CASKIN2: variants seen among roughly 807,000 people sequenced by gnomAD.
The protein encoded by CASKIN2 is caskin-2.
CASKIN2 carries 41 observed loss-of-function variants against 107.1 expected under a neutral mutation model. The observed-to-expected ratio is 0.38, with a 90% CI of 0.30 to 0.50. The LOEUF is 0.50. CASKIN2 is among the 20% of genes least tolerant of loss of function. CASKIN2 has a pLI of 0.92. For synonymous variants in CASKIN2, 724 were observed against 705.6 expected, an observed-to-expected ratio of 1.03 and a Z score of -0.41; for missense variants, 1,546 against 1,657.4, an observed-to-expected ratio of 0.93 and a Z score of 1.17.
Position 75,507,048 on chromosome 17 carries a change from T to C in CASKIN2, c.326A>G (p.Asn109Ser), listed in dbSNP as rs759639410. Residue 109 changes from asparagine to serine, a missense_variant, in exon 5 of 20, where the codon AAT (asparagine) becomes AGT (serine). Physicochemically the swap from Asn to Ser is conservative, Grantham distance 46. Around this residue, in one of 6 missense-constraint regions of CASKIN2, gnomAD observed 136 missense variants for 198.6 expected, o/e 0.68. Coordinates refer to ENST00000321617, the MANE Select transcript of CASKIN2 (RefSeq NM_020753.5). ...RLLLRASAAVNAASLDGQIPL... is the reference protein window; with the variant it reads ...RLLLRASAAVSAASLDGQIPL... ...GATCTGTCCGTCCAGCGAGGCGGCA[T>C]TGACAGCCGCAGAGGCGCGCAGCAG... The C allele has an allele frequency of 1.2e-6, 2 of 1,612,748 alleles. No homozygotes were observed. Among genetic ancestry groups the C allele is most frequent in the Non-Finnish European group, 1.7e-6 (2 of 1,179,906 alleles).
In CASKIN2 at chr17:75,505,647, G is replaced by A. The variant is rs1451570926; in HGVS notation, c.840C>T (p.Ala280=). The A allele has an allele frequency of 6.2e-7, 1 of 1,612,832 alleles. No individual in the cohort carries two copies. The highest frequency in any genetic ancestry group is 1.1e-5 in the South Asian group (1 of 91,070). Residue 280 remains alanine (A), a synonymous_variant, in exon 10 of 20, where the codon GCC becomes GCT. Coordinates refer to ENST00000321617, the MANE Select transcript of CASKIN2 (RefSeq NM_020753.5). The surrounding 1 kb of genome is among the most constrained non-coding windows in gnomAD (Gnocchi z 5.1). Reference sequence around the variant, plus strand: ...GCGCTCGGACCTTCAGGATCCCTGAGGCCTCTAAGAAAACGGGGTGGGGGA... The same window carrying A: ...GCGCTCGGACCTTCAGGATCCCTGAAGCCTCTAAGAAAACGGGGTGGGGGA... ...SREIKQLLRE[A]SGILKVRALK...
chr17:75,506,458 G>A lies in CASKIN2; in HGVS notation c.618-45C>T, dbSNP rs1361966643. 1 of 1,581,934 alleles carries A rather than the reference G, an allele frequency of 6.3e-7. No homozygotes were observed. The highest frequency in any genetic ancestry group is 1.3e-5 in the African/African-American group (1 of 74,352). ...TCACGGGGGAGGTGGCGTAGGAGGG[G>A]GTGCTGACTGCTGGGGGCCTGGGAG... On this transcript the variant is annotated intron_variant, in intron 7 of 19. Transcript: ENST00000321617. This position sits in a 1 kb window ranked among gnomAD's most constrained non-coding sequence, Gnocchi z 4.8.
rs149757696 is a variant in CASKIN2 at position 75,506,839 on chromosome 17, T to C, written c.446A>G (p.Lys149Arg). ...SNPCLVNKAK[K>R]TPLDLACEFG... ...TTCACAGGCCAGGTCCAGGGGCGTCTTCTTGGCCTTGTTGACCAGGCATGG... is the reference window on the plus strand; with the variant it reads ...TTCACAGGCCAGGTCCAGGGGCGTCCTCTTGGCCTTGTTGACCAGGCATGG... The change falls in exon 6 of 20, where the codon AAG (lysine) becomes AGG (arginine). Residue 149 changes from lysine (K) to arginine (R), a missense_variant. By Grantham distance (26) the Lys-to-Arg change is conservative. Transcript: ENST00000321617. This position sits in a 1 kb window ranked among gnomAD's most constrained non-coding sequence, Gnocchi z 4.8. The C allele has an allele frequency of 2.8e-4, 451 of 1,612,966 alleles. 2 individuals are homozygous for C. The African/African-American group carries it at 4.8e-3, about 17-fold the overall frequency.
chr17:75,504,035 A>G, intron 14 of CASKIN2, 73 bp from the exon 15 acceptor site: 1 of 1,386,738 alleles, frequency 7.2e-7, no homozygotes, highest in South Asian at 1.2e-5. Context: ...GGGGCTCAGG[A>G]CCTGCCTGAG....
intron 4 of CASKIN2, 117 bp from the exon 5 acceptor site, chr17:75,507,246 A>G: frequency 8.5e-7 from 1 of 1,171,288 alleles, no homozygotes; most frequent in South Asian, 1.5e-5. Context: ...CGGGGATGCA[A>G]TGCTGGCTCT....
rs2053272649 is a variant in CASKIN2, at chr17:75,507,019, G to A, written c.355C>T (p.Leu119=). 1 of 1,613,168 alleles carries A rather than the reference G, an allele frequency of 6.2e-7. No individual in the cohort carries two copies. The highest frequency in any genetic ancestry group is 1.3e-5 in the African/African-American group (1 of 75,072). ...TGTCCATACTGTGCAGCCAGGTGCA[G>A]GGGGATCTGTCCGTCCAGCGAGGCG... is the stretch of plus-strand genomic sequence containing the variant. ...NAASLDGQIP[L]HLAAQYGHYE... The change falls in exon 5 of 20, where the codon CTG becomes TTG. Residue 119 remains leucine (L), a synonymous_variant. Transcript: ENST00000321617.
chr17:75,508,122 G>T, intron 3 of CASKIN2, 112 bp downstream of exon 3: 1 of 1,215,646 alleles, frequency 8.2e-7, no homozygotes, highest in Non-Finnish European at 1.2e-6. Context: ...CCAGGGCCAA[G>T]TCTGAGAGGG....
chr17:75,505,952 G>A lies in CASKIN2; in HGVS notation c.727-23C>T. ...TCCCTGGGTGCACAGTGTCACATGA[G>A]CACACGCTAAGCACTTTGACACCCC... On this transcript the variant is annotated intron_variant, in intron 8 of 19. Transcript: ENST00000321617. This position sits in a 1 kb window ranked among gnomAD's most constrained non-coding sequence, Gnocchi z 5.1. 1 of 1,600,436 alleles carries A rather than the reference G, an allele frequency of 6.2e-7. No homozygotes were observed. Among genetic ancestry groups the A allele is most frequent in the Non-Finnish European group, 8.6e-7 (1 of 1,169,068 alleles).
chr17:75,508,524 G>A (rs952278070), intron 2 of CASKIN2, among the ~76,000 whole-genome samples: 5 of 152,190 alleles, frequency 3.3e-5, no homozygotes, highest in Admixed American at 6.5e-5. Context: ...CCCCAGTCCC[G>A]CTTGTTTATA....
At chr17:75,512,507 G>A (rs1022940393) in intron 2 of CASKIN2, among the ~76,000 whole-genome samples, 5 of 151,354 alleles carry the variant, frequency 3.3e-5, no homozygotes, top group African/African-American at 1.2e-4. Context: ...TCCAGTAAAT[G>A]AGCTCTGGCC....
At position 75,501,502 on chromosome 17, in the gene CASKIN2, C is replaced by T. The variant is rs140270094; in HGVS notation, c.3484G>A (p.Ala1162Thr). Residue 1162 changes from alanine to threonine, a missense_variant, in exon 19 of 20, where the codon GCA (alanine) becomes ACA (threonine). Ala to Thr is a moderately conservative substitution (Grantham distance 58). Transcript: ENST00000321617. ...TCCTTGGTGCCAATGCTCTTCTCTG[C>T]GGCTCTCAGTGCAGCTGCCAGGGAC... ...SSSLAAALRA[A>T]EKSIGTKEQE... The T allele has an allele frequency of 6.2e-4, 998 of 1,612,072 alleles. 4 individuals are homozygous for T. The highest frequency in any genetic ancestry group is 3.3e-4 in the East Asian group (15 of 44,836).
chr17:75,501,205 A>G (rs2053176537), intron 19 of CASKIN2, 35 bp from the exon 20 acceptor site: 1 of 1,538,418 alleles, frequency 6.5e-7, no homozygotes, highest in South Asian at 1.2e-5. Context: ...CAGATCAGCC[A>G]GTGGCCTGCA....
In CASKIN2 at chr17:75,503,648, T is replaced by G; in HGVS notation, c.1680+11A>C. On this transcript the variant is annotated intron_variant, in intron 16 of 19. Transcript: ENST00000321617. ...ACGTGCCCCACTCCCCAGCCACCCT[T>G]GATGGCTCACTGGGATGTAGCTGGG... The G allele has an allele frequency of 6.2e-7, 1 of 1,610,818 alleles. No individual in the cohort carries two copies. The highest frequency in any genetic ancestry group is 8.5e-7 in the Non-Finnish European group (1 of 1,179,844).
chr17:75,505,411 C>T lies in CASKIN2; in HGVS notation c.930+146G>A. ...GTCATCTGTAAAGAAGAAATGCTAA[C>T]AGCACTGCCTTCCCTGGCTTTAAGA... On this transcript the variant is annotated intron_variant, in intron 10 of 19. Coordinates refer to ENST00000321617, the MANE Select transcript of CASKIN2 (RefSeq NM_020753.5). This position sits in a 1 kb window ranked among gnomAD's most constrained non-coding sequence, Gnocchi z 5.1. 1.3e-6 allele frequency: 1 copy of T among 747,382 alleles called. No homozygotes were observed. Among genetic ancestry groups the T allele is most frequent in the Non-Finnish European group, 2.3e-6 (1 of 436,826 alleles). 46.3% of individuals were successfully genotyped at this position (747,382 alleles called of 1,614,324 possible).
rs1330169273 is a variant in CASKIN2, at chr17:75,513,912, G to A, written c.-108C>T. 3.8e-5 allele frequency: 36 copies of A among 947,864 alleles called. 1 individual carries two copies. Among genetic ancestry groups the A allele is most frequent in the Middle Eastern group, 4.3e-4 (2 of 4,698 alleles). The allele number at this position is 947,864 out of a possible 1,614,324, so 58.7% of individuals were successfully genotyped here. ...TGCCACAGCCCCTTGGAGGGCTCCC[G>A]GTTCCGGGGGAGCAAGTCAGGTGTC... On this transcript the variant is annotated 5_prime_UTR_variant, in exon 2 of 20. Coordinates refer to ENST00000321617, the MANE Select transcript of CASKIN2 (RefSeq NM_020753.5).
At chr17:75,504,024 AG>A in intron 14 of CASKIN2, 62 bp from the exon 15 acceptor site, 3 of 1,450,544 alleles carry the variant, frequency 2.1e-6, no homozygotes, top group Non-Finnish European at 2.9e-6. Flanking sequence ...AGCCCCCACC[AG>A]GGGCTCAGGA....
rs757237243 is a variant in CASKIN2 at position 75,506,254 on chromosome 17, C to T, written c.726+51G>A. ...GTACCTCCCCAGCCAGTCAGGGGCA[C>T]AGGGCAGAGGCTCCATGGACACCTG... On this transcript the variant is annotated intron_variant, in intron 8 of 19. Coordinates refer to ENST00000321617, the MANE Select transcript of CASKIN2 (RefSeq NM_020753.5). This position sits in a 1 kb window ranked among gnomAD's most constrained non-coding sequence, Gnocchi z 4.8. 6.0e-6 allele frequency: 9 copies of T among 1,497,318 alleles called. No individual in the cohort carries two copies. The highest frequency in any genetic ancestry group is 2.7e-5 in the African/African-American group (2 of 72,758). 92.8% of individuals were successfully genotyped at this position (1,497,318 alleles called of 1,614,324 possible).
rs1191704303 is a variant in CASKIN2, at chr17:75,500,945, T to G, written c.*135A>C. 1.2e-6 allele frequency: 1 copy of G among 804,520 alleles called. No individual in the cohort carries two copies. The highest frequency in any genetic ancestry group is 2.0e-6 in the Non-Finnish European group (1 of 500,414). The allele number at this position is 804,520 out of a possible 1,614,324, so 49.8% of individuals were successfully genotyped here. A position where few individuals can be genotyped will look rare whatever the true frequency, so the allele number is the denominator to read the frequency against. ...GTGGTGCCCACAGCCGCGGGCTGAG[T>G]GGGAAGGGGCCCTGCTAGGAGGGGC... On this transcript the variant is annotated 3_prime_UTR_variant, in exon 20 of 20. Coordinates refer to ENST00000321617, the MANE Select transcript of CASKIN2 (RefSeq NM_020753.5).
chr17:75,507,083 A>G lies in CASKIN2; in HGVS notation c.291T>C (p.Pro97=). The G allele has an allele frequency of 6.2e-7, 1 of 1,611,398 alleles. No individual in the cohort carries two copies. Among genetic ancestry groups the G allele is most frequent in the East Asian group, 2.2e-5 (1 of 44,854 alleles). Residue 97 remains proline (P), a synonymous_variant, in exon 5 of 20, where the codon CCT becomes CCC. Transcript: ENST00000321617. ...HYAAWQGRLE[P]VRLLLRASAA... is the part of the protein sequence containing the mutation. ...CAGAGGCGCGCAGCAGCAGCCTCAC[A>G]GGCTCCAGCCGGCCCTGCCAGGCTG...
Sources: allele counts gnomAD v4.1 joint callset (sites outside exome capture counted in the v4.1 genomes callset), GRCh38; gene constraint gnomAD v4.1.1; regional missense constraint gnomAD v4.1.1; non-coding constraint Gnocchi (gnomAD v3.1); transcripts MANE v1.5; gene names NCBI Gene and HGNC (gene_info 2026-07-23, HGNC 2026-07-21).